The following ST18 variants were observed in gnomAD, a reference collection of about 807,000 sequenced individuals.
ST18 encodes suppression of tumorigenicity 18 protein.
Under a neutral mutation model 110.0 loss-of-function variants are expected in ST18, and 50 were observed. The ratio of observed to expected loss-of-function variants is 0.45; its 90% CI spans 0.36 to 0.58. The LOEUF (loss-of-function observed/expected upper bound fraction) is 0.58, where lower values mean the gene tolerates loss of function less well. Among genes scored for constraint, ST18 ranks in the 20% least tolerant of loss-of-function variants. The probability of loss-of-function intolerance (pLI) is 0.00; values close to 1 mark genes in which losing one functional copy is unlikely to be tolerated. For synonymous variants in ST18, 461 were observed against 452.4 expected (o/e 1.02, Z -0.24); for missense variants, 1,306 against 1,280.1 (o/e 1.02, Z -0.31).
At chr8:52,211,780 G>T (rs566357543) in intron 8 of ST18, among the ~76,000 whole-genome samples, 2 of 152,122 alleles carry the variant, frequency 1.3e-5, no homozygotes, top group East Asian at 3.9e-4. Context: ...AAATCCAACC[G>T]CATGCAAGGT....
intron 2 of ST18, among the ~76,000 whole-genome samples, chr8:52,343,739 G>A (rs887473287): frequency 2.0e-5 from 3 of 151,978 alleles, no homozygotes; most frequent in African/African-American, 7.3e-5. Flanking sequence ...TAGAATAATG[G>A]GATTACCTTA....
At chr8:52,350,729 T>C (rs571214842) in intron 2 of ST18, among the ~76,000 whole-genome samples, 3 of 151,998 alleles carry the variant, frequency 2.0e-5, no homozygotes, top group Non-Finnish European at 4.4e-5. Flanking sequence ...ATATACTTTT[T>C]TTTTTTTTTG....
At chr8:52,367,674 T>C (rs1828662698) in intron 2 of ST18, among the ~76,000 whole-genome samples, 1 of 152,154 alleles carries the variant, frequency 6.6e-6, no homozygotes, top group South Asian at 2.1e-4. Flanking sequence ...CATACACCAA[T>C]TAGGGTTTGG....
At chr8:52,143,654 A>C (rs1031254248) in intron 16 of ST18, among the ~76,000 whole-genome samples, 6 of 152,186 alleles carry the variant, frequency 3.9e-5, no homozygotes, top group African/African-American at 1.4e-4. Context: ...GACCCATGTA[A>C]TTAATATTTT....
chr8:52,345,423 C>T (rs754619075), intron 2 of ST18, among the ~76,000 whole-genome samples: 4 of 152,212 alleles, frequency 2.6e-5, no homozygotes, highest in Non-Finnish European at 4.4e-5. Flanking sequence ...AAATGAAAAG[C>T]AGATGAGAGA....
rs115020531 is a variant in ST18 at position 52,250,396 on chromosome 8, G to A, written c.-464-20319C>T. On this transcript the variant is annotated intron_variant, in intron 2 of 25. Transcript: ENST00000689386. ...TCCCTTTCATTCACACCACGAGGCC[G>A]TTTTCCTACTATCAGTCAGCAGCTG... Among the ~76,000 whole-genome samples the A allele has an allele frequency of 5.7e-3, 662 of 116,904 alleles. 1 individual carries two copies. The highest frequency in any genetic ancestry group is 0.021 in the African/African-American group (644 of 30,260). The allele number at this position is 116,904 out of a possible 152,430, so 76.7% of individuals were successfully genotyped here.
chr8:52,368,243 A>T (rs1828925920), intron 2 of ST18, among the ~76,000 whole-genome samples: 1 of 152,246 alleles, frequency 6.6e-6, no homozygotes, highest in African/African-American at 2.4e-5. Flanking sequence ...GTCATAAAAA[A>T]TACCAGTGTC....
intron 2 of ST18, among the ~76,000 whole-genome samples, chr8:52,290,686 C>A (rs2095542557): frequency 6.6e-6 from 1 of 152,094 alleles, no homozygotes; most frequent in Non-Finnish European, 1.5e-5. Flanking sequence ...ATCCAGTTAT[C>A]TCCTTTTAGC....
At chr8:52,338,212 C>T (rs143269944) in intron 2 of ST18, among the ~76,000 whole-genome samples, 2 of 152,052 alleles carry the variant, frequency 1.3e-5, no homozygotes, top group East Asian at 3.9e-4. Flanking sequence ...GCATGTGCCA[C>T]CATGTCTGGC....
intron 2 of ST18, among the ~76,000 whole-genome samples, chr8:52,376,272 T>G (rs1321468702): frequency 1.3e-5 from 2 of 151,874 alleles, no homozygotes; most frequent in African/African-American, 4.9e-5. Context: ...CTCTCTGACC[T>G]TCTCTCTTTC....
intron 8 of ST18, among the ~76,000 whole-genome samples, chr8:52,183,604 A>G (rs2070785309): frequency 6.6e-6 from 1 of 152,220 alleles, no homozygotes; most frequent in African/African-American, 2.4e-5. Context: ...CATCTACCAA[A>G]TGGAAATAAT....
At chr8:52,290,848 A>C (rs1341217979) in intron 2 of ST18, among the ~76,000 whole-genome samples, 4 of 151,656 alleles carry the variant, frequency 2.6e-5, no homozygotes, top group Non-Finnish European at 5.9e-5. Flanking sequence ...CCTCATTACC[A>C]CCTTGTTTGT....
rs1399189780 is a variant in ST18, at chr8:52,111,531, A to T, written c.*1667T>A. The stretch of plus-strand genomic sequence containing the variant: ...CCCACTTAATGCATAACAATGACCA[A>T]AGTTTCATGGGAGTGGAATTACTGT... On this transcript the variant is annotated 3_prime_UTR_variant, in exon 26 of 26. Transcript: ENST00000689386. The T allele has an allele frequency of 6.5e-6, 1 of 152,808 alleles. No individual in the cohort carries two copies. Among genetic ancestry groups the T allele is most frequent in the East Asian group, 1.9e-4 (1 of 5,196 alleles). 9.5% of individuals were successfully genotyped at this position (152,808 alleles called of 1,614,324 possible). A position where few individuals can be genotyped will look rare whatever the true frequency, so the allele number is the denominator to read the frequency against.
At chr8:52,289,842 T>C (rs1263702798) in intron 2 of ST18, among the ~76,000 whole-genome samples, 1 of 152,120 alleles carries the variant, frequency 6.6e-6, no homozygotes, top group Non-Finnish European at 1.5e-5. Flanking sequence ...GATACTCATA[T>C]CTACAGGGTT....
chr8:52,335,288 C>T (rs1217121758), intron 2 of ST18, among the ~76,000 whole-genome samples: 2 of 151,950 alleles, frequency 1.3e-5, no homozygotes. Flanking sequence ...ATAGCATAAC[C>T]ACCCCAAGAT....
At chr8:52,320,941 G>A (rs2139897980) in intron 2 of ST18, among the ~76,000 whole-genome samples, 1 of 152,160 alleles carries the variant, frequency 6.6e-6, no homozygotes, top group Middle Eastern at 3.4e-3. Flanking sequence ...GATATAATAG[G>A]GTAGATTCAT....
intron 2 of ST18, among the ~76,000 whole-genome samples, chr8:52,253,153 A>G (rs2094396887): frequency 6.6e-6 from 1 of 152,046 alleles, no homozygotes; most frequent in Admixed American, 6.6e-5. Flanking sequence ...TATAGAAGTT[A>G]CAGTGCATAC....
chr8:52,297,682 A>C (rs1203967574), intron 2 of ST18, among the ~76,000 whole-genome samples: 2 of 152,232 alleles, frequency 1.3e-5, no homozygotes, highest in Admixed American at 1.3e-4. Flanking sequence ...TAGAAATAAG[A>C]AATAATTGTA....
intron 2 of ST18, among the ~76,000 whole-genome samples, chr8:52,357,980 T>C (rs1340954067): frequency 1.3e-5 from 2 of 151,312 alleles, no homozygotes; most frequent in African/African-American, 4.8e-5. Flanking sequence ...TCAATTTTAA[T>C]AGGTTAAAAT....
Sources: allele counts gnomAD v4.1 joint callset (sites outside exome capture counted in the v4.1 genomes callset), GRCh38; gene constraint gnomAD v4.1.1; transcripts MANE v1.5; gene names NCBI Gene and HGNC (gene_info 2026-07-23, HGNC 2026-07-21).